Variants in ATF6 observed in about 807,000 individuals in gnomAD.
ATF6 encodes activating transcription factor 6.
A neutral mutation model predicts 83.6 loss-of-function variants in ATF6; 53 were observed. That is an observed-to-expected ratio of 0.63 (90% CI 0.51 to 0.80). The LOEUF (loss-of-function observed/expected upper bound fraction) is 0.80. Ranked by LOEUF, ATF6 falls within the 30% of genes least tolerant of loss-of-function variation. ATF6 has a pLI of 0.00. For missense variants in ATF6, 744 were observed against 797.9 expected (o/e 0.93, Z 0.81); for synonymous variants, 288 against 285.8 (o/e 1.01, Z -0.08).
chr1:161,831,321 A>G (rs940822610), intron 9 of ATF6, among the ~76,000 whole-genome samples: 19 of 152,244 alleles, frequency 1.2e-4, no homozygotes, highest in African/African-American at 4.6e-4. Context: ...ATGTGGAGAA[A>G]TAGGAACACT....
intron 10 of ATF6, among the ~76,000 whole-genome samples, chr1:161,851,275 C>CA (rs1557995077): frequency 1.3e-5 from 2 of 148,830 alleles, no homozygotes; most frequent in East Asian, 3.9e-4. Flanking sequence ...CACACACACA[C>CA]CCCTACCTGT....
intron 9 of ATF6, among the ~76,000 whole-genome samples, chr1:161,833,004 C>A (rs1686107141): frequency 6.6e-6 from 1 of 152,214 alleles, no homozygotes; most frequent in African/African-American, 2.4e-5. Flanking sequence ...GAGGCACCCC[C>A]CAGTAGGGGC....
At position 161,941,232 on chromosome 1, in the gene ATF6, A is replaced by G. The variant is rs1571252265; in HGVS notation, c.1805-17214A>G. On this transcript the variant is annotated intron_variant, in intron 15 of 15. Transcript: ENST00000367942. ...TGGGTATTTTAGGCCCTGCTTAAAA[A>G]ATAAAGGTTAAATTGAGCATATTCA... Among the ~76,000 whole-genome samples the G allele has an allele frequency of 2.0e-5, 3 of 152,364 alleles. No individual in the cohort carries two copies. The South Asian group carries it at 6.2e-4, about 32-fold the overall frequency.
chr1:161,788,785 G>GT (rs1353767959), intron 4 of ATF6, among the ~76,000 whole-genome samples: 1 of 151,908 alleles, frequency 6.6e-6, no homozygotes, highest in Non-Finnish European at 1.5e-5. Flanking sequence ...AAATGAATCA[G>GT]TTTTCCTAAC....
chr1:161,825,195 G>A lies in ATF6; in HGVS notation c.1187+4034G>A, dbSNP rs550738157. ...GGCTTAAGCAATCCCCCGATCCTCA[G>A]TCTCCTAAGTAGCTGGGACTACAGG... On this transcript the variant is annotated intron_variant, in intron 9 of 15. Transcript: ENST00000367942. Among the ~76,000 whole-genome samples the A allele has an allele frequency of 2.0e-5, 3 of 152,252 alleles. No individual in the cohort carries two copies. The South Asian group carries it at 6.2e-4, about 32-fold the overall frequency.
At chr1:161,893,381 G>A (rs560783589) in intron 14 of ATF6, among the ~76,000 whole-genome samples, 3 of 152,074 alleles carry the variant, frequency 2.0e-5, no homozygotes, top group Admixed American at 1.3e-4. Flanking sequence ...GGTCAGGCTG[G>A]TCTCAAACTC....
intron 11 of ATF6, among the ~76,000 whole-genome samples, chr1:161,852,121 C>T (rs928416202): frequency 6.6e-6 from 1 of 152,164 alleles, no homozygotes; most frequent in South Asian, 2.1e-4. Flanking sequence ...TGGTAACATT[C>T]ATAGCAGAAA....
chr1:161,953,480 A>C (rs1688909852), intron 15 of ATF6, among the ~76,000 whole-genome samples: 1 of 152,086 alleles, frequency 6.6e-6, no homozygotes, highest in Admixed American at 6.6e-5. Context: ...TCCCTATCTG[A>C]ATCCTCATTG....
chr1:161,864,971 G>A (rs1013159227), intron 14 of ATF6, among the ~76,000 whole-genome samples: 2 of 152,214 alleles, frequency 1.3e-5, no homozygotes, highest in African/African-American at 2.4e-5. Context: ...GGAAGTTACT[G>A]TAGGAGAATG....
intron 11 of ATF6, among the ~76,000 whole-genome samples, chr1:161,852,125 G>A (rs1686645707): frequency 6.6e-6 from 1 of 152,268 alleles, no homozygotes; most frequent in Middle Eastern, 3.4e-3. Flanking sequence ...AACATTCATA[G>A]CAGAAAGTAC....
intron 6 of ATF6, among the ~76,000 whole-genome samples, chr1:161,801,678 A>T (rs1685152474): frequency 6.6e-6 from 1 of 152,206 alleles, no homozygotes; most frequent in African/African-American, 2.4e-5. Context: ...GACTCTCCAT[A>T]TTCAGTGTAA....
intron 14 of ATF6, among the ~76,000 whole-genome samples, chr1:161,911,507 C>T (rs12040523): frequency 0.099 from 15,071 of 152,236 alleles, 1,329 homozygotes; most frequent in East Asian, 0.33. Context: ...AATTAGAAAC[C>T]TCAGATGCCC....
chr1:161,871,378 A>G (rs1339743987), intron 14 of ATF6, among the ~76,000 whole-genome samples: 1 of 151,608 alleles, frequency 6.6e-6, no homozygotes, highest in Non-Finnish European at 1.5e-5. Context: ...AGAAAAAATA[A>G]CTATTGAGTA....
chr1:161,773,221 C>T (rs1396852177), intron 1 of ATF6, among the ~76,000 whole-genome samples: 1 of 151,578 alleles, frequency 6.6e-6, no homozygotes, highest in Non-Finnish European at 1.5e-5. Context: ...GCAAGCTCCA[C>T]CTCCCAGGTT....
At chr1:161,861,923 A>G (rs1686895654) in intron 13 of ATF6, among the ~76,000 whole-genome samples, 1 of 152,160 alleles carries the variant, frequency 6.6e-6, no homozygotes, top group Non-Finnish European at 1.5e-5. Context: ...CTGTGTGGAG[A>G]AACTACGTAT....
At chr1:161,905,919 G>C (rs1449731811) in intron 14 of ATF6, among the ~76,000 whole-genome samples, 1 of 151,972 alleles carries the variant, frequency 6.6e-6, no homozygotes, top group Non-Finnish European at 1.5e-5. Context: ...TGCAAGCTCA[G>C]CCTCCCAGGT....
intron 9 of ATF6, among the ~76,000 whole-genome samples, chr1:161,843,898 G>A (rs541686307): frequency 2.6e-5 from 4 of 152,110 alleles, no homozygotes; most frequent in Non-Finnish European, 5.9e-5. Flanking sequence ...TTGATTAGTA[G>A]GTAAGTGTTT....
chr1:161,807,863 A>ATTTTTTTTTTTTTTTTTTTTTTTTT (rs1557971141), intron 7 of ATF6, among the ~76,000 whole-genome samples: 1 of 54,784 alleles, frequency 1.8e-5, no homozygotes, highest in African/African-American at 8.2e-5. Context: ...TTAGTTTGTC[A>ATTTTTTTTTTTTTTTTTTTTTTTTT]TCTTTTTTTT....
At chr1:161,920,294 C>CTCTTTTTTT (rs1157916734) in intron 15 of ATF6, among the ~76,000 whole-genome samples, 15 of 54,838 alleles carry the variant, frequency 2.7e-4, no homozygotes, top group African/African-American at 1.0e-3. Context: ...CTCTCTCTCT[C>CTCTTTTTTT]TTTTTTTTTT....
Sources: gnomAD v4.1 joint callset for allele counts (sites outside exome capture counted in the v4.1 genomes callset) on GRCh38, gnomAD v4.1.1 for gene constraint, MANE v1.5 for transcripts, NCBI Gene and HGNC (gene_info 2026-07-23, HGNC 2026-07-21) for gene names.